TRAF3: variants seen among roughly 807,000 people sequenced by gnomAD.
TRAF3 encodes the protein TNF receptor associated factor 3, also known as TNF receptor-associated factor 3.
A neutral mutation model predicts 62.3 loss-of-function variants in TRAF3; 13 were observed. The observed-to-expected ratio is 0.21, with a 90% confidence interval of 0.14 to 0.33. TRAF3 has a LOEUF of 0.33. Ranked by LOEUF, TRAF3 falls within the 10% of genes least tolerant of loss-of-function variation. The pLI is 1.00. For synonymous variants in TRAF3, 269 were observed against 283.4 expected (o/e 0.95, Z 0.51); for missense variants, 440 against 741.8 (o/e 0.59, Z 4.73).
intron 3 of TRAF3, among the ~76,000 whole-genome samples, chr14:102,871,404 G>A (rs1888335149): frequency 6.6e-6 from 1 of 152,224 alleles, no homozygotes; most frequent in African/African-American, 2.4e-5. Context: ...TCTGGGCCCA[G>A]GAGAAGCTTC....
chr14:102,890,736 C>T (rs1201710486), intron 8 of TRAF3, among the ~76,000 whole-genome samples: 6 of 152,254 alleles, frequency 3.9e-5, no homozygotes, highest in Admixed American at 2.6e-4. Flanking sequence ...TGGTCTACAT[C>T]TTATGTACTC....
intron 2 of TRAF3, among the ~76,000 whole-genome samples, chr14:102,832,399 C>T (rs536130639): frequency 4.7e-4 from 72 of 152,290 alleles, no homozygotes; most frequent in Non-Finnish European, 9.3e-4. Context: ...ACTGGCCGGG[C>T]GTGGTGGCTC....
intron 1 of TRAF3, among the ~76,000 whole-genome samples, chr14:102,820,278 G>T (rs1296185443): frequency 6.6e-6 from 1 of 152,004 alleles, no homozygotes; most frequent in Admixed American, 6.6e-5. Flanking sequence ...CCTTGGGTCT[G>T]GCTGCCCGGG....
At chr14:102,854,434 G>C (rs1179316660) in intron 2 of TRAF3, among the ~76,000 whole-genome samples, 1 of 152,144 alleles carries the variant, frequency 6.6e-6, no homozygotes, top group East Asian at 1.9e-4. Context: ...CCATATCCTT[G>C]CTAACACTTG....
chr14:102,845,607 G>T (rs371491252), intron 2 of TRAF3, among the ~76,000 whole-genome samples: 6 of 148,662 alleles, frequency 4.0e-5, no homozygotes, highest in Admixed American at 1.3e-4. Flanking sequence ...GCTCTGCCTC[G>T]CAGGTTCATG....
intron 10 of TRAF3, among the ~76,000 whole-genome samples, chr14:102,901,330 G>C (rs3783385): frequency 6.6e-6 from 1 of 152,006 alleles, no homozygotes; most frequent in Non-Finnish European, 1.5e-5. Context: ...ACCCTGCCTG[G>C]GACTCATGCT....
Position 102,901,105 on chromosome 14 carries a change from C to T in TRAF3, c.961-2150C>T, listed in dbSNP as rs139210894. Among the ~76,000 whole-genome samples the T allele has an allele frequency of 1.7e-3, 263 of 152,298 alleles. 4 individuals carry two copies. The highest frequency in any genetic ancestry group is 1.5e-3 in the East Asian group (8 of 5,172). ...CTCATGGAGACGCCTTTTATTTAGTCGTGCTGGTCTGTGCATGCGGTGCAC... is the reference window on the plus strand; with the variant it reads ...CTCATGGAGACGCCTTTTATTTAGTTGTGCTGGTCTGTGCATGCGGTGCAC... On this transcript the variant is annotated intron_variant, in intron 10 of 11. Transcript: ENST00000392745.
chr14:102,911,242 G>GT lies in TRAF3; in HGVS notation c.*5459dup, dbSNP rs1890853283. ...TCTTCTAAGAAAAAACAAAAAGACC[G>GT]TGAGTTATTGCCCAGCAATAATCAT... is the stretch of plus-strand genomic sequence containing the variant. On this transcript the variant is annotated 3_prime_UTR_variant, in exon 12 of 12. Transcript: ENST00000392745. 1 of 152,168 alleles carries GT rather than the reference G, an allele frequency of 6.6e-6. No individual in the cohort carries two copies. The highest frequency in any genetic ancestry group is 1.5e-5 in the Non-Finnish European group (1 of 68,040). The allele number at this position is 152,168 out of a possible 1,614,324, so 9.4% of individuals were successfully genotyped here. A position where few individuals can be genotyped will look rare whatever the true frequency, so the allele number is the denominator to read the frequency against.
intron 1 of TRAF3, among the ~76,000 whole-genome samples, chr14:102,821,783 C>T (rs1307083681): frequency 6.6e-6 from 1 of 152,208 alleles, no homozygotes; most frequent in Admixed American, 6.5e-5. Context: ...GTGGCTCACG[C>T]CTGTAATCCC....
intron 8 of TRAF3, 151 bp downstream of exon 8, chr14:102,889,785 C>A: frequency 1.1e-6 from 1 of 928,038 alleles, no homozygotes; most frequent in Non-Finnish European, 1.7e-6. Flanking sequence ...AAGCCACATG[C>A]AGCAGGTGGG....
intron 1 of TRAF3, among the ~76,000 whole-genome samples, chr14:102,824,722 C>T (rs1199046505): frequency 1.3e-5 from 2 of 152,178 alleles, no homozygotes; most frequent in East Asian, 3.8e-4. Context: ...TCTGCCTGAG[C>T]TAAATTACTA....
At chr14:102,883,122 C>G (rs1191352966) in intron 6 of TRAF3, among the ~76,000 whole-genome samples, 1 of 152,212 alleles carries the variant, frequency 6.6e-6, no homozygotes, top group Non-Finnish European at 1.5e-5. Context: ...GAGAAACACA[C>G]ACGCCAGGAA....
At chr14:102,883,157 G>A (rs983651770) in intron 6 of TRAF3, among the ~76,000 whole-genome samples, 7 of 152,162 alleles carry the variant, frequency 4.6e-5, no homozygotes, top group Non-Finnish European at 7.3e-5. Flanking sequence ...GACCAGAGCC[G>A]CAGAAATCTG....
chr14:102,860,114 A>G (rs1399762297), intron 2 of TRAF3, among the ~76,000 whole-genome samples: 1 of 152,228 alleles, frequency 6.6e-6, no homozygotes, highest in Admixed American at 6.5e-5. Flanking sequence ...GGACATCTCC[A>G]TACCTTCCAG....
chr14:102,835,368 A>G (rs1885934724), intron 2 of TRAF3, among the ~76,000 whole-genome samples: 1 of 151,980 alleles, frequency 6.6e-6, no homozygotes, highest in Admixed American at 6.6e-5. Flanking sequence ...AAATAGAACT[A>G]CCATTTGACC....
intron 9 of TRAF3, chr14:102,895,337 C>G (rs763456500): frequency 3.7e-6 from 1 of 269,850 alleles, no homozygotes; most frequent in Non-Finnish European, 7.3e-6. Context: ...TAAATACATA[C>G]TTGTTTTAAA....
At chr14:102,893,387 CAAA>C (rs75938667) in intron 9 of TRAF3, among the ~76,000 whole-genome samples, 11 of 76,864 alleles carry the variant, frequency 1.4e-4, no homozygotes, top group Admixed American at 1.4e-4. Flanking sequence ...GAGACTGTCT[CAAA>C]AAAAAAAAAA....
intron 1 of TRAF3, among the ~76,000 whole-genome samples, chr14:102,784,214 CCTTTTTTTTTTTTTT>C (rs753490592): frequency 9.9e-6 from 1 of 100,592 alleles, no homozygotes; most frequent in Admixed American, 1.1e-4. Flanking sequence ...AGATGCTTGG[CCTTTTTTTTTTTTTT>C]TTTTTTTTTT....
chr14:102,899,507 C>G (rs1244868434), intron 10 of TRAF3, among the ~76,000 whole-genome samples: 3 of 152,194 alleles, frequency 2.0e-5, no homozygotes, highest in African/African-American at 7.2e-5. Context: ...CAGCTTCGCC[C>G]CACTCCCTGC....
Sources: gnomAD v4.1 joint callset for allele counts (sites outside exome capture counted in the v4.1 genomes callset) on GRCh38, gnomAD v4.1.1 for gene constraint, MANE v1.5 for transcripts, NCBI Gene and HGNC (gene_info 2026-07-23, HGNC 2026-07-21) for gene names.